The following WDR20 variants were observed in gnomAD, a reference collection of about 807,000 sequenced individuals.
WDR20 encodes the protein WD repeat domain 20, also known as WD repeat-containing protein 20.
In WDR20, 3 loss-of-function variants were observed where a neutral mutation model predicts 38.7. The observed-to-expected ratio is 0.08, with a 90% CI of 0.04 to 0.20. WDR20 has a LOEUF of 0.20. WDR20 is among the 10% of genes least tolerant of loss of function. WDR20 has a pLI of 1.00. For synonymous variants in WDR20, 298 were observed against 285.6 expected, an observed-to-expected ratio of 1.04 and a Z score of -0.44; for missense variants, 559 against 727.7, an observed-to-expected ratio of 0.77 and a Z score of 2.67.
At chr14:102,153,451 C>CAT in intron 1 of WDR20, among the ~76,000 whole-genome samples, 1 of 151,730 alleles carries the variant, frequency 6.6e-6, no homozygotes, top group East Asian at 1.9e-4. Context: ...GGATTACAGG[C>CAT]GCCCACCACC....
chr14:102,219,267 C>T (rs1256573457), downstream of WDR20, among the ~76,000 whole-genome samples: 1 of 152,220 alleles, frequency 6.6e-6, no homozygotes, highest in Non-Finnish European at 1.5e-5. Context: ...CTCCTGTTGC[C>T]TCCAGTGTTC....
chr14:102,176,020 CTT>C (rs923142789), intron 1 of WDR20, among the ~76,000 whole-genome samples: 1 of 152,146 alleles, frequency 6.6e-6, no homozygotes, highest in Non-Finnish European at 1.5e-5. Flanking sequence ...TTGACTTCCT[CTT>C]TACTGATTTG....
intron 1 of WDR20, among the ~76,000 whole-genome samples, chr14:102,171,119 T>C (rs1188753976): frequency 6.6e-6 from 1 of 151,922 alleles, no homozygotes; most frequent in East Asian, 1.9e-4. Context: ...GCCTGGCTAA[T>C]TTTTGTATTT....
chr14:102,206,444 G>GT (rs1292517057), intron 2 of WDR20, among the ~76,000 whole-genome samples: 1 of 152,208 alleles, frequency 6.6e-6, no homozygotes, highest in Non-Finnish European at 1.5e-5. Context: ...TTCTCATGCA[G>GT]TTTTTTGTTG....
intron 2 of WDR20, among the ~76,000 whole-genome samples, chr14:102,200,951 G>A (rs934207390): frequency 6.6e-6 from 1 of 152,220 alleles, no homozygotes; most frequent in Admixed American, 6.5e-5. Context: ...GCCAGCTGCA[G>A]GTGCCTCCCA....
intron 1 of WDR20, among the ~76,000 whole-genome samples, chr14:102,176,614 C>CT (rs761196768): frequency 0.017 from 2,510 of 145,880 alleles, 29 homozygotes; most frequent in Non-Finnish European, 0.027. Context: ...TTTTCTTTCC[C>CT]TTTTTTTTTT....
chr14:102,198,089 G>T, intron 2 of WDR20: 1 of 355,794 alleles, frequency 2.8e-6, no homozygotes, highest in Non-Finnish European at 5.0e-6. Flanking sequence ...GAGAATCACA[G>T]AGGTCTACTT....
downstream of WDR20, chr14:102,215,075 GT>G: frequency 2.4e-6 from 2 of 837,616 alleles, no homozygotes; most frequent in Non-Finnish European, 2.9e-6. Flanking sequence ...AACCAGAAAA[GT>G]TTTTAAATGC....
At chr14:102,211,601 C>T (rs1159182335), downstream of WDR20, among the ~76,000 whole-genome samples, 2 of 152,150 alleles carry the variant, frequency 1.3e-5, no homozygotes, top group African/African-American at 2.4e-5. The surrounding 1 kb of genome is among the most constrained non-coding windows in gnomAD (Gnocchi z 4.2). Context: ...TAGGAGTATT[C>T]GTGTCCTCTC....
rs951164937 is a variant in WDR20, at chr14:102,210,281, G to A, written c.*401G>A. On this transcript the variant is annotated 3_prime_UTR_variant, in exon 3 of 3. Coordinates refer to ENST00000342702, the MANE Select transcript of WDR20 (RefSeq NM_144574.4). ...TACTCAATTAGAATATTGTACACCTGATCAATGTGTGTTCAGCACAGATGG... is the reference window on the plus strand; with the variant it reads ...TACTCAATTAGAATATTGTACACCTAATCAATGTGTGTTCAGCACAGATGG... The A allele has an allele frequency of 9.0e-6, 9 of 997,310 alleles. No homozygotes were observed. Among genetic ancestry groups the A allele is most frequent in the African/African-American group, 1.7e-5 (1 of 57,328 alleles). 61.8% of individuals were successfully genotyped at this position (997,310 alleles called of 1,614,324 possible). A position where few individuals can be genotyped will look rare whatever the true frequency, so the allele number is the denominator to read the frequency against.
chr14:102,183,287 C>T (rs570667196), intron 1 of WDR20, among the ~76,000 whole-genome samples: 118 of 152,314 alleles, frequency 7.7e-4, no homozygotes, highest in Non-Finnish European at 1.3e-3. Context: ...AGGCTGTATT[C>T]TTCAGCTCAC....
intron 1 of WDR20, among the ~76,000 whole-genome samples, chr14:102,161,301 G>A (rs1054311409): frequency 5.4e-5 from 8 of 148,506 alleles, no homozygotes; most frequent in Middle Eastern, 3.4e-3. Context: ...CAGGTGCCTA[G>A]CACCATGCTC....
intron 1 of WDR20, among the ~76,000 whole-genome samples, chr14:102,157,808 G>C (rs568392315): frequency 2.6e-5 from 4 of 152,150 alleles, no homozygotes; most frequent in Non-Finnish European, 5.9e-5. Flanking sequence ...AAGGCTTGGG[G>C]AGGGTAGGAT....
intron 1 of WDR20, among the ~76,000 whole-genome samples, chr14:102,159,226 G>A (rs531471263): frequency 6.6e-6 from 1 of 152,204 alleles, no homozygotes; most frequent in African/African-American, 2.4e-5. Flanking sequence ...ACAGGCATGA[G>A]CCACCGCACC....
At chr14:102,153,254 A>G (rs1188851232) in intron 1 of WDR20, among the ~76,000 whole-genome samples, 1 of 151,606 alleles carries the variant, frequency 6.6e-6, no homozygotes, top group Non-Finnish European at 1.5e-5. Context: ...AGTAGATGGC[A>G]GCACTATGCT....
chr14:102,198,391 T>TA (rs1487240397), intron 2 of WDR20: 1 of 234,370 alleles, frequency 4.3e-6, no homozygotes, highest in African/African-American at 2.3e-5. Flanking sequence ...GTGCTGGAAT[T>TA]ACAGGCGTGA....
At chr14:102,213,910 G>A, downstream of WDR20, 1 of 985,406 alleles carries the variant, frequency 1.0e-6, no homozygotes, top group Non-Finnish European at 1.2e-6. Flanking sequence ...GACTGCCCAC[G>A]GAAGAACTAG....
intron 1 of WDR20, among the ~76,000 whole-genome samples, chr14:102,145,907 G>T (rs747141468): frequency 8.6e-5 from 13 of 152,042 alleles, no homozygotes; most frequent in Non-Finnish European, 1.6e-4. Context: ...TACTGAAGTG[G>T]TAACTACAGG....
At chr14:102,217,265 C>T (rs2063329638), downstream of WDR20, among the ~76,000 whole-genome samples, 1 of 152,212 alleles carries the variant, frequency 6.6e-6, no homozygotes, top group Non-Finnish European at 1.5e-5. Flanking sequence ...TGCTGGTCTC[C>T]ATCAGTGAAC....
Sources: gnomAD v4.1 joint callset for allele counts (sites outside exome capture counted in the v4.1 genomes callset) on GRCh38, gnomAD v4.1.1 for gene constraint, Gnocchi (gnomAD v3.1) non-coding constraint, MANE v1.5 for transcripts, NCBI Gene and HGNC (gene_info 2026-07-23, HGNC 2026-07-21) for gene names.